The following CEP89 variants were observed in gnomAD, a reference collection of about 807,000 sequenced individuals.
CEP89 encodes centrosomal protein of 89 kDa.
A neutral mutation model predicts 97.6 loss-of-function variants in CEP89; 95 were observed. The ratio of observed to expected loss-of-function variants is 0.97; its 90% confidence interval spans 0.82 to 1.15. The LOEUF is 1.15. Ranked by LOEUF, CEP89 falls within the 50% of genes most tolerant of loss-of-function variation. The pLI, the probability that CEP89 is intolerant of heterozygous loss-of-function variation, is 0.00. For synonymous variants in CEP89, 354 were observed against 349.1 expected (o/e 1.01, Z -0.16); for missense variants, 869 against 947.7 (o/e 0.92, Z 1.09).
At position 32,931,426 on chromosome 19, in the gene CEP89, T is replaced by C. The variant is rs764386642; in HGVS notation, c.1029+3A>G. ...AGCTGATTTTCACAATCGGAAACGT[T>C]ACCTCTTCCTTGGACAAATGCCTGA... is the stretch of plus-strand genomic sequence containing the variant. On this transcript the variant is annotated splice_donor_region_variant and intron_variant, in intron 9 of 18. Coordinates refer to ENST00000305768, the MANE Select transcript of CEP89 (RefSeq NM_032816.5). The C allele has an allele frequency of 7.0e-6, 11 of 1,565,174 alleles. No homozygotes were observed. The Admixed American group carries it at 2.4e-4, about 35-fold the overall frequency.
In CEP89 at chr19:32,964,359, A is replaced by G. The variant is rs1971238135; in HGVS notation, c.146+2001T>C. ...GCTAATTTTTGTATTTTTAGTGGAG[A>G]TAGGTTTTCACCGTGTTGACCAGGC... On this transcript the variant is annotated intron_variant, in intron 2 of 18. Coordinates refer to ENST00000305768, the MANE Select transcript of CEP89 (RefSeq NM_032816.5). 1.3e-5 allele frequency among the ~76,000 whole-genome samples: 2 copies of G among 152,182 alleles called. 1 individual carries two copies. The highest frequency in any genetic ancestry group is 4.2e-4 in the South Asian group (2 of 4,812).
intron 17 of CEP89, among the ~76,000 whole-genome samples, chr19:32,883,606 C>T (rs904931457): frequency 2.6e-5 from 4 of 152,098 alleles, no homozygotes; most frequent in Non-Finnish European, 4.4e-5. Flanking sequence ...ACCTGGGAGG[C>T]AGAGGTTGCA....
chr19:32,916,741 T>A (rs1010304514), intron 13 of CEP89, among the ~76,000 whole-genome samples: 2 of 152,218 alleles, frequency 1.3e-5, no homozygotes, highest in African/African-American at 2.4e-5. Flanking sequence ...CTGGGCACAG[T>A]GGCTCACGCC....
rs1568566782 is a variant in CEP89, at chr19:32,931,441, CA to C, written c.1016del (p.Leu339CysfsTer7). The C allele has an allele frequency of 1.3e-6, 2 of 1,581,202 alleles. No individual in the cohort carries two copies. Among genetic ancestry groups the C allele is most frequent in the Non-Finnish European group, 1.7e-6 (2 of 1,171,052 alleles). Reference sequence around the variant, plus strand: ...TCGGAAACGTTACCTCTTCCTTGGACAAATGCCTGAATTTTGTCTGATATCG... The same window carrying C: ...TCGGAAACGTTACCTCTTCCTTGGACAATGCCTGAATTTTGTCTGATATCG... ...LSRYQTKFRH[L>X]SKEESLNIEG... On this transcript the variant is annotated frameshift_variant, in exon 9 of 19. Coordinates refer to ENST00000305768, the MANE Select transcript of CEP89 (RefSeq NM_032816.5). LOFTEE classifies it high-confidence loss of function.
At chr19:32,913,308 TTTTTGTTGTTGTTG>T (rs780742065) in intron 14 of CEP89, among the ~76,000 whole-genome samples, 104 of 101,124 alleles carry the variant, frequency 1.0e-3, no homozygotes, top group African/African-American at 2.9e-3. Flanking sequence ...TATATATATT[TTTTTGTTGTTGTTG>T]TTGTTGTTGT....
At chr19:32,920,524 C>T (rs920473771) in intron 12 of CEP89, among the ~76,000 whole-genome samples, 1 of 152,048 alleles carries the variant, frequency 6.6e-6, no homozygotes, top group African/African-American at 2.4e-5. Context: ...CGCTCTGTTG[C>T]CCAGGCTGGA....
At chr19:32,942,161 C>A (rs778983174) in intron 5 of CEP89, among the ~76,000 whole-genome samples, 1 of 152,142 alleles carries the variant, frequency 6.6e-6, no homozygotes, top group Non-Finnish European at 1.5e-5. Context: ...GCAGGTAGAT[C>A]GGTTGAGCCC....
intron 14 of CEP89, among the ~76,000 whole-genome samples, chr19:32,908,852 G>C (rs1490624968): frequency 1.3e-5 from 2 of 152,256 alleles, no homozygotes; most frequent in Non-Finnish European, 2.9e-5. Flanking sequence ...GTGAGGTCAT[G>C]AGGACAAGAT....
chr19:32,919,706 C>A (rs1970208616), intron 12 of CEP89, among the ~76,000 whole-genome samples: 1 of 152,184 alleles, frequency 6.6e-6, no homozygotes, highest in African/African-American at 2.4e-5. Flanking sequence ...ACTCTGTTGC[C>A]CAGGCTGGAG....
At chr19:32,934,646 C>G (rs1465552808) in intron 7 of CEP89, among the ~76,000 whole-genome samples, 2 of 152,156 alleles carry the variant, frequency 1.3e-5, no homozygotes, top group African/African-American at 4.8e-5. Context: ...AACTCCACAG[C>G]TACATAGAAA....
chr19:32,929,051 A>G (rs1283371792), intron 9 of CEP89, among the ~76,000 whole-genome samples: 1 of 152,206 alleles, frequency 6.6e-6, no homozygotes, highest in Non-Finnish European at 1.5e-5. Context: ...CCTAGACAAA[A>G]TAATTATTTA....
rs1235324910 is a variant in CEP89, at chr19:32,878,920, C to T, written c.*242G>A. The T allele has an allele frequency of 2.6e-6, 1 of 384,368 alleles. No homozygotes were observed. Among genetic ancestry groups the T allele is most frequent in the South Asian group, 8.2e-5 (1 of 12,200 alleles). 23.8% of individuals were successfully genotyped at this position (384,368 alleles called of 1,614,324 possible). On this transcript the variant is annotated 3_prime_UTR_variant, in exon 19 of 19. Coordinates refer to ENST00000305768, the MANE Select transcript of CEP89 (RefSeq NM_032816.5). ...GAGGCTGCCGTGAGCTATGATTGCA[C>T]CACTGTACTCCAGCATGGGCAACAG... is the stretch of plus-strand genomic sequence containing the variant.
chr19:32,887,915 AG>A, intron 16 of CEP89, 74 bp from the exon 17 acceptor site: 1 of 851,230 alleles, frequency 1.2e-6, no homozygotes, highest in East Asian at 2.5e-5. Context: ...TTTTGCAAAG[AG>A]TGTTACTGCT....
At chr19:32,952,369 T>G (rs1320143854) in intron 4 of CEP89, among the ~76,000 whole-genome samples, 1 of 149,256 alleles carries the variant, frequency 6.7e-6, no homozygotes, top group African/African-American at 2.5e-5. Context: ...AAGCCCCAGC[T>G]ACTCGGGAGG....
chr19:32,879,270 GT>G lies in CEP89; in HGVS notation c.2243del (p.Asn748ThrfsTer29). 1 of 1,614,256 alleles carries G rather than the reference GT, an allele frequency of 6.2e-7. No homozygotes were observed. The highest frequency in any genetic ancestry group is 8.5e-7 in the Non-Finnish European group (1 of 1,180,032). ...DTLTRTGVQD[N>X]PRALVAPSLN... is the part of the protein sequence containing the mutation. ...GGCTGGGGGCAACCAGAGCTCTGGG[GT>G]TGTCCTGCACGCCTGTCCTCGTGAG... is the stretch of plus-strand genomic sequence containing the variant. On this transcript the variant is annotated frameshift_variant, in exon 19 of 19. Transcript: ENST00000305768. LOFTEE classifies it low-confidence loss of function (END_TRUNC).
chr19:32,911,396 C>CAA, intron 14 of CEP89, among the ~76,000 whole-genome samples: 5 of 152,252 alleles, frequency 3.3e-5, no homozygotes, highest in African/African-American at 1.2e-4. Flanking sequence ...GTGGCTCATG[C>CAA]CTGGAATCTC....
intron 16 of CEP89, among the ~76,000 whole-genome samples, chr19:32,895,297 AT>A (rs1693137175): frequency 6.6e-6 from 1 of 152,164 alleles, no homozygotes. Flanking sequence ...GGATCAAGAG[AT>A]GCAAAGACAG....
chr19:32,965,309 G>A (rs1971257175), intron 2 of CEP89, among the ~76,000 whole-genome samples: 1 of 152,136 alleles, frequency 6.6e-6, no homozygotes. Flanking sequence ...GCTGAGACAG[G>A]AGGATCGCTT....
intron 14 of CEP89, 68 bp from the exon 15 acceptor site, chr19:32,901,480 G>A (rs1249674159): frequency 6.0e-6 from 9 of 1,497,532 alleles, no homozygotes; most frequent in African/African-American, 2.8e-5. Flanking sequence ...GTCACATAAC[G>A]AGGAAGATGA....
Sources: gnomAD v4.1 joint callset for allele counts (sites outside exome capture counted in the v4.1 genomes callset) on GRCh38, gnomAD v4.1.1 for gene constraint, MANE v1.5 for transcripts, NCBI Gene and HGNC (gene_info 2026-07-23, HGNC 2026-07-21) for gene names.